The following SUCLG2 variants were observed in gnomAD, a reference collection of about 807,000 sequenced individuals.
SUCLG2 encodes the protein succinate-CoA ligase GDP-forming subunit beta, also known as succinate--CoA ligase [GDP-forming] subunit beta, mitochondrial.
SUCLG2 carries 42 observed loss-of-function variants against 47.9 expected under a neutral mutation model. The ratio of observed to expected loss-of-function variants is 0.88; its 90% CI spans 0.69 to 1.14. The LOEUF (loss-of-function observed/expected upper bound fraction) is 1.14. Among genes scored for constraint, SUCLG2 ranks in the 50% most tolerant of loss-of-function variants. The pLI is 0.00. For synonymous variants in SUCLG2, 195 were observed against 197.3 expected, an observed-to-expected ratio of 0.99 and a Z score of 0.10; for missense variants, 571 against 525.9, an observed-to-expected ratio of 1.09 and a Z score of -0.84.
At chr3:67,391,802 CTT>C (rs1702389586) in intron 10 of SUCLG2, among the ~76,000 whole-genome samples, 1 of 152,138 alleles carries the variant, frequency 6.6e-6, no homozygotes, top group Admixed American at 6.5e-5. Flanking sequence ...CCCCTGGCCT[CTT>C]TGCACTTTTC....
chr3:67,463,421 T>C (rs1485848288), intron 9 of SUCLG2, among the ~76,000 whole-genome samples: 3 of 152,264 alleles, frequency 2.0e-5, no homozygotes, highest in African/African-American at 7.2e-5. Flanking sequence ...TAATAATATC[T>C]GTACATACAT....
chr3:67,451,347 A>G (rs1704051511), intron 9 of SUCLG2, among the ~76,000 whole-genome samples: 1 of 152,248 alleles, frequency 6.6e-6, no homozygotes, highest in Non-Finnish European at 1.5e-5. Flanking sequence ...GTCAAAATGT[A>G]CATTTGATAA....
intron 10 of SUCLG2, among the ~76,000 whole-genome samples, chr3:67,397,865 G>A (rs1327382529): frequency 1.8e-4 from 27 of 151,784 alleles, no homozygotes; most frequent in Middle Eastern, 6.8e-3. Context: ...AAATAACACC[G>A]CATATCTACA....
At chr3:67,474,906 T>C (rs6781528) in intron 9 of SUCLG2, among the ~76,000 whole-genome samples, 10,398 of 151,882 alleles carry the variant, frequency 0.068, 425 homozygotes, top group East Asian at 0.2. Context: ...AACACCAACA[T>C]AAGTAGGCTC....
intron 7 of SUCLG2, 30 bp downstream of exon 7, chr3:67,508,777 T>A (rs912794870): frequency 1.3e-6 from 2 of 1,502,606 alleles, no homozygotes; most frequent in Non-Finnish European, 1.8e-6. Flanking sequence ...AATACATTCA[T>A]TTGTTTTCTC....
At chr3:67,635,200 G>A (rs896783528) in intron 1 of SUCLG2, among the ~76,000 whole-genome samples, 2 of 152,164 alleles carry the variant, frequency 1.3e-5, no homozygotes, top group Non-Finnish European at 2.9e-5. Flanking sequence ...CAGTAATTGT[G>A]CAAAAGAGGT....
At chr3:67,615,320 A>T (rs1166558314) in intron 1 of SUCLG2, among the ~76,000 whole-genome samples, 1 of 152,134 alleles carries the variant, frequency 6.6e-6, no homozygotes, top group African/African-American at 2.4e-5. Flanking sequence ...AGGTGTAGAA[A>T]CAACTGAAAT....
chr3:67,557,074 T>C (rs1473082820), intron 2 of SUCLG2, among the ~76,000 whole-genome samples: 2 of 152,162 alleles, frequency 1.3e-5, no homozygotes, highest in African/African-American at 4.8e-5. Context: ...TCCAAAAGTC[T>C]GGTCAATGAA....
At chr3:67,404,011 G>C (rs1185689856) in intron 9 of SUCLG2, among the ~76,000 whole-genome samples, 1 of 152,146 alleles carries the variant, frequency 6.6e-6, no homozygotes, top group African/African-American at 2.4e-5. Context: ...TCAGCCTCCT[G>C]AGTAGCTGGG....
chr3:67,440,539 A>T (rs1575697185), intron 9 of SUCLG2, among the ~76,000 whole-genome samples: 1 of 152,234 alleles, frequency 6.6e-6, no homozygotes. Context: ...CAGGAAAAAA[A>T]CAAACAACCC....
chr3:67,403,875 T>C (rs55672035), intron 9 of SUCLG2, among the ~76,000 whole-genome samples: 60,180 of 151,958 alleles, frequency 0.4, 12,438 homozygotes, highest in Middle Eastern at 0.53. Flanking sequence ...CTCTTATTTC[T>C]TCCTTTTTAG....
chr3:67,622,868 T>C (rs949172909), intron 1 of SUCLG2, among the ~76,000 whole-genome samples: 5 of 152,172 alleles, frequency 3.3e-5, no homozygotes, highest in Non-Finnish European at 1.5e-5. Context: ...CACCCATCCC[T>C]GTGCTTAGGC....
chr3:67,396,459 A>C (rs1235474549), intron 10 of SUCLG2, among the ~76,000 whole-genome samples: 1 of 152,184 alleles, frequency 6.6e-6, no homozygotes, highest in Non-Finnish European at 1.5e-5. Context: ...ACACCCTCCC[A>C]AGACTAAACC....
chr3:67,539,207 G>C (rs1166244079), intron 2 of SUCLG2, among the ~76,000 whole-genome samples: 1 of 152,184 alleles, frequency 6.6e-6, no homozygotes, highest in Non-Finnish European at 1.5e-5. Context: ...TTCATAAACA[G>C]ATCTTATTAT....
chr3:67,598,584 T>C lies in SUCLG2; in HGVS notation c.226+10871A>G, dbSNP rs143293550. ...AAACACCTATACTTTATTTTGTATATGAAAAGTATCGTGTGAAAGGTCACC... is the reference window on the plus strand; with the variant it reads ...AAACACCTATACTTTATTTTGTATACGAAAAGTATCGTGTGAAAGGTCACC... On this transcript the variant is annotated intron_variant, in intron 2 of 10. Coordinates refer to ENST00000307227, the MANE Select transcript of SUCLG2 (RefSeq NM_003848.4). 6.9e-3 allele frequency among the ~76,000 whole-genome samples: 1,044 copies of C among 152,306 alleles called. 14 individuals are homozygous for C. Among genetic ancestry groups the C allele is most frequent in the African/African-American group, 0.024 (992 of 41,566 alleles).
At chr3:67,499,706 ATG>A (rs1475730369) in intron 7 of SUCLG2, among the ~76,000 whole-genome samples, 1 of 151,440 alleles carries the variant, frequency 6.6e-6, no homozygotes, top group Admixed American at 6.6e-5. Flanking sequence ...TGTCATCATA[ATG>A]TTTGTTTGTT....
At chr3:67,378,675 A>G (rs1012581358) in intron 10 of SUCLG2, among the ~76,000 whole-genome samples, 5 of 152,214 alleles carry the variant, frequency 3.3e-5, no homozygotes, top group African/African-American at 9.6e-5. Flanking sequence ...ACTGTGAGAT[A>G]ATAACTGTTC....
At chr3:67,413,887 T>C (rs751356971) in intron 9 of SUCLG2, among the ~76,000 whole-genome samples, 1 of 152,198 alleles carries the variant, frequency 6.6e-6, no homozygotes, top group Non-Finnish European at 1.5e-5. Context: ...ACCTCATCCA[T>C]CTTATCACAC....
At chr3:67,388,973 C>G (rs1022391971) in intron 10 of SUCLG2, among the ~76,000 whole-genome samples, 1 of 151,844 alleles carries the variant, frequency 6.6e-6, no homozygotes, top group Non-Finnish European at 1.5e-5. Flanking sequence ...GTATTGGGGT[C>G]GTAACAGAGG....
Sources: allele counts gnomAD v4.1 joint callset (sites outside exome capture counted in the v4.1 genomes callset), GRCh38; gene constraint gnomAD v4.1.1; transcripts MANE v1.5; gene names NCBI Gene and HGNC (gene_info 2026-07-23, HGNC 2026-07-21).